Variants in SPIDR observed in about 807,000 individuals in gnomAD.
The protein encoded by SPIDR is scaffold protein involved in DNA repair.
SPIDR carries 93 observed loss-of-function variants against 104.6 expected under a neutral mutation model. The observed-to-expected ratio is 0.89, with a 90% CI of 0.75 to 1.06. SPIDR has a LOEUF of 1.06. Among genes scored for constraint, SPIDR ranks in the 50% least tolerant of loss-of-function variants. The probability of loss-of-function intolerance (pLI) is 0.00; values close to 1 mark genes in which losing one functional copy is unlikely to be tolerated. For synonymous variants in SPIDR, 431 were observed against 416.9 expected (o/e 1.03, Z -0.41); for missense variants, 1,154 against 1,111.2 (o/e 1.04, Z -0.55).
intron 3 of SPIDR, among the ~76,000 whole-genome samples, chr8:47,287,086 G>A (rs1554563771): frequency 4.6e-5 from 7 of 152,136 alleles, no homozygotes; most frequent in Non-Finnish European, 7.3e-5. Flanking sequence ...CAGTAGGACC[G>A]TGATGCCCAC....
chr8:47,568,739 T>A (rs1047515125), intron 8 of SPIDR, among the ~76,000 whole-genome samples: 1 of 151,754 alleles, frequency 6.6e-6, no homozygotes, highest in African/African-American at 2.4e-5. Flanking sequence ...GAGCAAAACA[T>A]CCCCGCCAAA....
intron 7 of SPIDR, among the ~76,000 whole-genome samples, chr8:47,419,483 A>G (rs13261095): frequency 6.6e-6 from 1 of 151,908 alleles, no homozygotes; most frequent in Non-Finnish European, 1.5e-5. Flanking sequence ...ATCAATTTTT[A>G]TTGCGTCTAT....
chr8:47,373,710 A>G (rs73565219), intron 5 of SPIDR, among the ~76,000 whole-genome samples: 2,745 of 152,278 alleles, frequency 0.018, 83 homozygotes, highest in African/African-American at 0.064. Context: ...CCAAACTGCT[A>G]TTATTTAAAA....
Position 47,538,661 on chromosome 8 carries a change from A to T in SPIDR, c.1098-57150A>T, listed in dbSNP as rs1358209235. 2.0e-5 allele frequency among the ~76,000 whole-genome samples: 3 copies of T among 152,142 alleles called. No individual in the cohort carries two copies. The South Asian group carries it at 6.2e-4, about 31-fold the overall frequency. ...AATTATATTTAATATTTGAGTTTTC[A>T]GGTTTTGCCTCTATAAATTTGATAT... On this transcript the variant is annotated intron_variant, in intron 8 of 19. Transcript: ENST00000297423.
rs1263133330 is a variant in SPIDR, at chr8:47,293,758, T to A, written c.362-109T>A. ...CTATTGTGCCTGGCCCTAAATATAT[T>A]TTTTAAAATTATTGAGTGACATGGA... On this transcript the variant is annotated intron_variant, in intron 4 of 19. Coordinates refer to ENST00000297423, the MANE Select transcript of SPIDR (RefSeq NM_001080394.4). 5.7e-6 allele frequency: 7 copies of A among 1,220,548 alleles called. No individual in the cohort carries two copies. The African/African-American group carries it at 9.3e-5, about 16-fold the overall frequency. 75.6% of individuals were successfully genotyped at this position (1,220,548 alleles called of 1,614,324 possible). A position where few individuals can be genotyped will look rare whatever the true frequency, so the allele number is the denominator to read the frequency against.
intron 5 of SPIDR, among the ~76,000 whole-genome samples, chr8:47,374,819 G>T (rs1268957477): frequency 1.3e-5 from 2 of 152,160 alleles, no homozygotes; most frequent in East Asian, 3.9e-4. Flanking sequence ...ACTTTGAGAG[G>T]CCAAGATGGG....
In SPIDR at chr8:47,696,046, T is replaced by A. The variant is rs75868524; in HGVS notation, c.1686-4357T>A. Among the ~76,000 whole-genome samples the A allele has an allele frequency of 6.2e-4, 95 of 152,350 alleles. 1 individual carries two copies. In the East Asian group the frequency reaches 0.016, roughly 26 times the overall value. On this transcript the variant is annotated intron_variant, in intron 11 of 19. Transcript: ENST00000297423. ...CTGAGCTCATGAGTGATGCTGGGGC[T>A]GCCTTTTTAGGAATTCAGGAAATGG... is the stretch of plus-strand genomic sequence containing the variant.
At chr8:47,403,825 C>G (rs1281162362) in intron 6 of SPIDR, among the ~76,000 whole-genome samples, 7 of 152,204 alleles carry the variant, frequency 4.6e-5, no homozygotes, top group African/African-American at 1.7e-4. Flanking sequence ...CTACCAATGA[C>G]TTTCTTCACA....
chr8:47,529,585 A>G (rs1380588213), intron 8 of SPIDR, among the ~76,000 whole-genome samples: 2 of 152,216 alleles, frequency 1.3e-5, no homozygotes, highest in African/African-American at 4.8e-5. Flanking sequence ...CTTGCAAGAA[A>G]TGTTAAAAGA....
At chr8:47,620,215 G>A (rs933054688) in intron 10 of SPIDR, among the ~76,000 whole-genome samples, 2 of 151,816 alleles carry the variant, frequency 1.3e-5, no homozygotes, top group African/African-American at 4.8e-5. Context: ...TCTCTGTGAT[G>A]GTAACATGGG....
intron 5 of SPIDR, among the ~76,000 whole-genome samples, chr8:47,307,581 C>T (rs1338042732): frequency 5.5e-5 from 8 of 146,786 alleles, no homozygotes; most frequent in African/African-American, 1.5e-4. Flanking sequence ...CTCTGTCACC[C>T]GAGCTGGAGT....
At chr8:47,457,000 C>T (rs983470635) in intron 8 of SPIDR, among the ~76,000 whole-genome samples, 3 of 152,082 alleles carry the variant, frequency 2.0e-5, no homozygotes, top group Non-Finnish European at 2.9e-5. Context: ...TTTATTGACT[C>T]GTTGATTGGT....
chr8:47,414,982 C>T (rs555980940), intron 7 of SPIDR, among the ~76,000 whole-genome samples: 2 of 152,154 alleles, frequency 1.3e-5, no homozygotes, highest in Non-Finnish European at 2.9e-5. Flanking sequence ...CAGCTCACTG[C>T]AAGCTCCGCC....
chr8:47,271,137 T>C (rs1185117193), intron 1 of SPIDR, among the ~76,000 whole-genome samples: 1 of 152,222 alleles, frequency 6.6e-6, no homozygotes, highest in Non-Finnish European at 1.5e-5. Context: ...GTATATTTTC[T>C]TTTGCTACTT....
At chr8:47,546,990 T>C (rs1295444042) in intron 8 of SPIDR, 2 of 509,718 alleles carry the variant, frequency 3.9e-6, no homozygotes, top group Non-Finnish European at 7.8e-6. Context: ...AGATCAAGGG[T>C]GCCTCTCTCT....
chr8:47,493,533 C>G (rs1326009982), intron 8 of SPIDR, among the ~76,000 whole-genome samples: 4 of 152,052 alleles, frequency 2.6e-5, no homozygotes, highest in Admixed American at 6.6e-5. Flanking sequence ...ATTTTTAAAG[C>G]CTACTTATTT....
At chr8:47,274,269 G>T (rs1403713983) in intron 1 of SPIDR, among the ~76,000 whole-genome samples, 25 of 152,074 alleles carry the variant, frequency 1.6e-4, no homozygotes, top group African/African-American at 6.0e-4. Flanking sequence ...CATTGATTAT[G>T]ATTTATTTAT....
intron 10 of SPIDR, among the ~76,000 whole-genome samples, chr8:47,638,984 T>C (rs533865480): frequency 5.4e-4 from 83 of 152,378 alleles, no homozygotes; most frequent in African/African-American, 1.9e-3. Context: ...TTCTGTGATC[T>C]GTGATGATGG....
chr8:47,293,945 AG>A lies in SPIDR; in HGVS notation c.443del (p.Gly148ValfsTer17). 1.2e-6 allele frequency: 2 copies of A among 1,614,134 alleles called. No individual in the cohort carries two copies. The highest frequency in any genetic ancestry group is 1.7e-6 in the Non-Finnish European group (2 of 1,180,024). On this transcript the variant is annotated frameshift_variant, in exon 5 of 20. Coordinates refer to ENST00000297423, the MANE Select transcript of SPIDR (RefSeq NM_001080394.4). LOFTEE classifies it high-confidence loss of function. Reference protein sequence around the residue: ...ASDCDEFEDDEGAVEISDCAS... With the variant: ...ASDCDEFEDDXGAVEISDCAS... Reference sequence around the variant, plus strand: ...GACTGTGATGAATTTGAAGATGACGAGGGTGCTGTGGAAATCTCAGACTGTG... The same window carrying A: ...GACTGTGATGAATTTGAAGATGACGAGGTGCTGTGGAAATCTCAGACTGTG...
Sources: allele counts gnomAD v4.1 joint callset (sites outside exome capture counted in the v4.1 genomes callset), GRCh38; gene constraint gnomAD v4.1.1; transcripts MANE v1.5; gene names NCBI Gene and HGNC (gene_info 2026-07-23, HGNC 2026-07-21).